The following JAKMIP3 variants were observed in gnomAD, a reference collection of about 807,000 sequenced individuals.
JAKMIP3 encodes the protein Janus kinase and microtubule interacting protein 3, also known as janus kinase and microtubule-interacting protein 3.
A neutral mutation model predicts 118.5 loss-of-function variants in JAKMIP3; 58 were observed. That is an observed-to-expected ratio of 0.49 (90% CI 0.40 to 0.61). JAKMIP3 has a LOEUF of 0.61. Ranked by LOEUF, JAKMIP3 falls within the 20% of genes least tolerant of loss-of-function variation. JAKMIP3 has a pLI of 0.00. For missense variants in JAKMIP3, 950 were observed against 1,109.0 expected, an observed-to-expected ratio of 0.86 and a Z score of 2.04; for synonymous variants, 486 against 451.2, an observed-to-expected ratio of 1.08 and a Z score of -0.98.
intron 1 of JAKMIP3, among the ~76,000 whole-genome samples, chr10:132,102,323 G>A (rs570749924): frequency 1.3e-5 from 2 of 152,226 alleles, no homozygotes; most frequent in South Asian, 4.1e-4. Flanking sequence ...CTCTGATGAC[G>A]TCCGCGGGAC....
rs1248913895 is a variant in JAKMIP3, at chr10:132,154,005, A to G, written c.2220+15A>G. 2 of 1,611,674 alleles carry G rather than the reference A, an allele frequency of 1.2e-6. No homozygotes were observed. The highest frequency in any genetic ancestry group is 1.7e-6 in the Non-Finnish European group (2 of 1,179,000). The stretch of plus-strand genomic sequence containing the variant: ...AGGCCAACAAGGTGAGAGGCACGAG[A>G]CTGCTGGAACCCCGGGGAGGGGCAC... On this transcript the variant is annotated intron_variant, in intron 19 of 23. Transcript: ENST00000684848.
chr10:132,114,852 T>TG (rs2047389140), intron 2 of JAKMIP3, among the ~76,000 whole-genome samples: 1 of 152,226 alleles, frequency 6.6e-6, no homozygotes, highest in Non-Finnish European at 1.5e-5. Context: ...TTGGTTTTTT[T>TG]GATACCATTA....
At chr10:132,148,095 G>T in intron 14 of JAKMIP3, 45 bp downstream of exon 14, 1 of 1,262,706 alleles carries the variant, frequency 7.9e-7, no homozygotes, top group Non-Finnish European at 1.1e-6. Flanking sequence ...GCTGTGTCAG[G>T]GATCTAGTCC....
At position 132,153,774 on chromosome 10, in the gene JAKMIP3, G is replaced by A. The variant is rs139189013; in HGVS notation, c.2089G>A (p.Glu697Lys). Residue 697 changes from glutamate (E) to lysine (K), a missense_variant, in exon 18 of 24, where the codon GAG (glutamate) becomes AAG (lysine). Coordinates refer to ENST00000684848, the MANE Select transcript of JAKMIP3 (RefSeq NM_001323087.2). ...TTGTGTCCAGTGGCTCCAGCAGATT[G>A]AGGAGACAGAGGCGGCGCTGCAGCG... ...TLAEKWLQQI[E>K]ETEAALQRKM... The A allele has an allele frequency of 7.6e-4, 1,220 of 1,613,032 alleles. No individual in the cohort carries two copies. Among genetic ancestry groups the A allele is most frequent in the Non-Finnish European group, 1.0e-3 (1,181 of 1,179,854 alleles).
intron 11 of JAKMIP3, among the ~76,000 whole-genome samples, chr10:132,142,971 C>T (rs9419375): frequency 0.17 from 26,412 of 152,104 alleles, 2,415 homozygotes; most frequent in East Asian, 0.3. Flanking sequence ...GCATCCCCAG[C>T]GTGGTCCACG....
At chr10:132,062,045 G>A (rs2038412834), upstream of JAKMIP3, among the ~76,000 whole-genome samples, 4 of 152,154 alleles carry the variant, frequency 2.6e-5, no homozygotes, top group Admixed American at 2.0e-4. Flanking sequence ...GAGGGAAAGG[G>A]GGGCCGGGTG....
chr10:132,155,294 C>T (rs1029571095), intron 19 of JAKMIP3, among the ~76,000 whole-genome samples: 2 of 152,092 alleles, frequency 1.3e-5, no homozygotes, highest in African/African-American at 4.8e-5. Flanking sequence ...AAGAGCCTTT[C>T]CTATGTGGCA....
intron 1 of JAKMIP3, among the ~76,000 whole-genome samples, chr10:132,047,474 T>TA (rs1387556907): frequency 6.6e-6 from 1 of 152,216 alleles, no homozygotes; most frequent in African/African-American, 2.4e-5. Flanking sequence ...ATACTTCAGA[T>TA]AAAGTTCTTT....
chr10:132,111,108 T>A (rs2046793651), intron 2 of JAKMIP3, among the ~76,000 whole-genome samples: 1 of 152,054 alleles, frequency 6.6e-6, no homozygotes, highest in Admixed American at 6.5e-5. Flanking sequence ...CTTTCGGAGG[T>A]GCCCGGAAAG....
At chr10:132,139,890 C>T (rs2053127398) in intron 9 of JAKMIP3, among the ~76,000 whole-genome samples, 1 of 152,168 alleles carries the variant, frequency 6.6e-6, no homozygotes, top group Non-Finnish European at 1.5e-5. Flanking sequence ...CATTTTGTAA[C>T]ACTTCTGAAG....
At chr10:132,141,880 A>G (rs111392408) in intron 10 of JAKMIP3, 40 bp from the exon 11 acceptor site, 2 of 1,573,512 alleles carry the variant, frequency 1.3e-6, no homozygotes, top group African/African-American at 1.4e-5. Context: ...GGCTACTGAC[A>G]CTGTGTCTCT....
intron 23 of JAKMIP3, among the ~76,000 whole-genome samples, chr10:132,178,079 C>T (rs2060357564): frequency 6.6e-6 from 1 of 152,256 alleles, no homozygotes; most frequent in Non-Finnish European, 1.5e-5. Context: ...CACTGTCCCA[C>T]CTGCCACCTG....
chr10:132,133,563 T>G (rs1410433581), intron 4 of JAKMIP3, 36 bp downstream of exon 4: 1 of 1,532,694 alleles, frequency 6.5e-7, no homozygotes. Flanking sequence ...CCACCCCGTG[T>G]CACAGACAGA....
At position 132,133,789 on chromosome 10, in the gene JAKMIP3, G is replaced by A. The variant is rs189455194; in HGVS notation, c.849+262G>A. On this transcript the variant is annotated intron_variant, in intron 4 of 23. Coordinates refer to ENST00000684848, the MANE Select transcript of JAKMIP3 (RefSeq NM_001323087.2). ...GCCCTGTCACCCTCCCGTGGGCCCC[G>A]GCCTCATCACCCTTCTGCTGCAGTT... Among the ~76,000 whole-genome samples the A allele has an allele frequency of 1.0e-3, 156 of 152,272 alleles. 1 individual carries two copies. The highest frequency in any genetic ancestry group is 1.6e-3 in the Non-Finnish European group (108 of 68,016).
chr10:132,154,918 GGTA>G (rs1164690541), intron 19 of JAKMIP3, among the ~76,000 whole-genome samples: 1 of 20,398 alleles, frequency 4.9e-5, no homozygotes, highest in Non-Finnish European at 1.2e-4. Context: ...TGACGGTGGT[GGTA>G]GTGGGATGGT....
In JAKMIP3 at chr10:132,183,182, C is replaced by T. The variant is rs985586976; in HGVS notation, c.*1929C>T. ...CTTGTGTTAATAAAAGCTACCGTGG[C>T]GCTGTGGGTGAACCGCTGGGTTGAA... On this transcript the variant is annotated 3_prime_UTR_variant, in exon 24 of 24. Coordinates refer to ENST00000684848, the MANE Select transcript of JAKMIP3 (RefSeq NM_001323087.2). The T allele has an allele frequency of 3.3e-5, 5 of 152,206 alleles. No homozygotes were observed. Among genetic ancestry groups the T allele is most frequent in the East Asian group, 1.9e-4 (1 of 5,198 alleles). 9.4% of individuals were successfully genotyped at this position (152,206 alleles called of 1,614,324 possible).
At chr10:132,125,151 C>T (rs909597141) in intron 3 of JAKMIP3, among the ~76,000 whole-genome samples, 22 of 152,338 alleles carry the variant, frequency 1.4e-4, no homozygotes, top group African/African-American at 4.8e-4. Flanking sequence ...TCTGCCCCTC[C>T]GAGGGCGTGA....
intron 1 of JAKMIP3, among the ~76,000 whole-genome samples, chr10:132,066,488 G>T (rs1173418362): frequency 3.9e-5 from 6 of 152,226 alleles, no homozygotes; most frequent in Admixed American, 3.3e-4. Context: ...AGCCCGGGAG[G>T]CCTGCGGCGT....
chr10:132,105,253 C>T (rs1456934145), intron 2 of JAKMIP3, among the ~76,000 whole-genome samples: 5 of 152,252 alleles, frequency 3.3e-5, no homozygotes, highest in African/African-American at 1.2e-4. Flanking sequence ...CCAGTGGTGC[C>T]ATACCTGGAA....
Sources: gnomAD v4.1 joint callset for allele counts (sites outside exome capture counted in the v4.1 genomes callset) on GRCh38, gnomAD v4.1.1 for gene constraint, MANE v1.5 for transcripts, NCBI Gene and HGNC (gene_info 2026-07-23, HGNC 2026-07-21) for gene names.